The following ARID3A variants were observed in gnomAD, a reference collection of about 807,000 sequenced individuals.
ARID3A encodes AT-rich interactive domain-containing protein 3A.
A neutral mutation model predicts 52.7 loss-of-function variants in ARID3A; 11 were observed. That is an observed-to-expected ratio of 0.21 (90% CI 0.13 to 0.35). The LOEUF (loss-of-function observed/expected upper bound fraction) is 0.35, where lower values mean the gene tolerates loss of function less well. Ranked by LOEUF, ARID3A falls within the 10% of genes least tolerant of loss-of-function variation. The pLI is 1.00. For missense variants in ARID3A, 721 were observed against 838.5 expected (o/e 0.86, Z 1.73); for synonymous variants, 404 against 359.4 (o/e 1.12, Z -1.40).
intron 3 of ARID3A, among the ~76,000 whole-genome samples, chr19:948,438 C>T (rs1404159378): frequency 2.0e-5 from 3 of 152,150 alleles, no homozygotes; most frequent in Non-Finnish European, 4.4e-5. Context: ...GGCCGCGGTC[C>T]TGCGGGGCCA....
intron 3 of ARID3A, among the ~76,000 whole-genome samples, chr19:946,045 A>G (rs1284903004): frequency 2.0e-5 from 3 of 151,890 alleles, no homozygotes; most frequent in Non-Finnish European, 4.4e-5. Flanking sequence ...CTCAGCAGGG[A>G]AAAATGAGGC....
rs1400725425 is a variant in ARID3A at position 974,245 on chromosome 19, ACTTC to A, written c.*2185_*2188del. 4.4e-6 allele frequency: 1 copy of A among 226,400 alleles called. No homozygotes were observed. Among genetic ancestry groups the A allele is most frequent in the African/African-American group, 2.2e-5 (1 of 44,850 alleles). 14.0% of individuals were successfully genotyped at this position (226,400 alleles called of 1,614,324 possible). A position where few individuals can be genotyped will look rare whatever the true frequency, so the allele number is the denominator to read the frequency against. On this transcript the variant is annotated 3_prime_UTR_variant, in exon 9 of 9. Transcript: ENST00000263620. Reference sequence around the variant, plus strand: ...CTGTGTCTTTGGGGAGGGGACCCCCACTTCCTTCTCGGATCTCAGGGCCGTGGAC... The same window carrying A: ...CTGTGTCTTTGGGGAGGGGACCCCCACTTCTCGGATCTCAGGGCCGTGGAC...
At chr19:935,939 C>T (rs927669813) in intron 3 of ARID3A, among the ~76,000 whole-genome samples, 8 of 152,154 alleles carry the variant, frequency 5.3e-5, no homozygotes, top group African/African-American at 9.7e-5. Flanking sequence ...TACAGGCATC[C>T]GCCACCGCGC....
chr19:938,776 G>A lies in ARID3A; in HGVS notation c.693+6034G>A, dbSNP rs2037485957. Among the ~76,000 whole-genome samples the A allele has an allele frequency of 6.6e-6, 1 of 152,094 alleles. No homozygotes were observed. The highest frequency in any genetic ancestry group is 1.5e-5 in the Non-Finnish European group (1 of 68,022). The stretch of plus-strand genomic sequence containing the variant: ...CTGGGCCCAGCCCCAGAGACCGCTG[G>A]GTCCTCACCACGGTGCCTGCCAGGC... On this transcript the variant is annotated intron_variant, in intron 3 of 8. Coordinates refer to ENST00000263620, the MANE Select transcript of ARID3A (RefSeq NM_005224.3). The surrounding 1 kb of genome is among the most constrained non-coding windows in gnomAD (Gnocchi z 4.0).
At chr19:970,947 G>C (rs796178208) in intron 8 of ARID3A, among the ~76,000 whole-genome samples, 2 of 152,154 alleles carry the variant, frequency 1.3e-5, no homozygotes, top group African/African-American at 4.8e-5. Flanking sequence ...TGAGGGGTCC[G>C]TGCCCTCCGG....
In ARID3A at chr19:938,953, CGGA is replaced by C. The variant is rs2037490430; in HGVS notation, c.693+6213_693+6215del. ...CTCTTTTTTTTTTTTTTTTTTGAGACGGAGTCTTGTTTTGTCACCCAGGCTGCA... is the reference window on the plus strand; with the variant it reads ...CTCTTTTTTTTTTTTTTTTTTGAGACGTCTTGTTTTGTCACCCAGGCTGCA... On this transcript the variant is annotated intron_variant, in intron 3 of 8. Coordinates refer to ENST00000263620, the MANE Select transcript of ARID3A (RefSeq NM_005224.3). The surrounding 1 kb of genome is among the most constrained non-coding windows in gnomAD (Gnocchi z 4.0). Among the ~76,000 whole-genome samples the C allele has an allele frequency of 8.0e-6, 1 of 125,634 alleles. No individual in the cohort carries two copies. Among genetic ancestry groups the C allele is most frequent in the African/African-American group, 3.1e-5 (1 of 31,984 alleles). The allele number at this position is 125,634 out of a possible 152,430, so 82.4% of individuals were successfully genotyped here.
At position 949,716 on chromosome 19, in the gene ARID3A, G is replaced by A. The variant is rs1357117694; in HGVS notation, c.694-10376G>A. On this transcript the variant is annotated intron_variant, in intron 3 of 8. Coordinates refer to ENST00000263620, the MANE Select transcript of ARID3A (RefSeq NM_005224.3). ...TTTTGAGATGGAGTCTCGCTCTGTC[G>A]CCCAGGCTGGAGTGCAGTGGTGCGA... is the stretch of plus-strand genomic sequence containing the variant. Among the ~76,000 whole-genome samples the A allele has an allele frequency of 7.2e-5, 10 of 138,162 alleles. No individual in the cohort carries two copies. The East Asian group carries it at 1.9e-3, about 26-fold the overall frequency. 90.6% of individuals were successfully genotyped at this position (138,162 alleles called of 152,430 possible). A position where few individuals can be genotyped will look rare whatever the true frequency, so the allele number is the denominator to read the frequency against.
In ARID3A at chr19:932,642, CG is replaced by C; in HGVS notation, c.597del (p.Pro200LeufsTer12). 1 of 1,539,546 alleles carries C rather than the reference CG, an allele frequency of 6.5e-7. No homozygotes were observed. The part of the protein sequence containing the change: ...VPRVLGGQER[P>X]GPGPAHPGGA... Reference sequence around the variant, plus strand: ...AGGGTGCTGGGGGGCCAGGAGCGGCCGGGGCCTGGCCCTGCCCACCCCGGAG... The same window carrying C: ...AGGGTGCTGGGGGGCCAGGAGCGGCCGGGCCTGGCCCTGCCCACCCCGGAG... On this transcript the variant is annotated frameshift_variant, in exon 3 of 9. Transcript: ENST00000263620. LOFTEE classifies it high-confidence loss of function.
rs538442292 is a variant in ARID3A at position 972,153 on chromosome 19, G to C, written c.*88G>C. On this transcript the variant is annotated 3_prime_UTR_variant, in exon 9 of 9. Coordinates refer to ENST00000263620, the MANE Select transcript of ARID3A (RefSeq NM_005224.3). ...GGGCCACACAGGGGCCAGGATGGCG[G>C]AAGATACGGGTGGGGAGGGAAGATA... is the stretch of plus-strand genomic sequence containing the variant. 1.6e-3 allele frequency: 2,063 copies of C among 1,276,260 alleles called. 7 individuals are homozygous for C. The highest frequency in any genetic ancestry group is 2.0e-3 in the Non-Finnish European group (1,864 of 955,674). 79.1% of individuals were successfully genotyped at this position (1,276,260 alleles called of 1,614,324 possible).
intron 2 of ARID3A, among the ~76,000 whole-genome samples, chr19:930,868 C>T (rs1192175423): frequency 6.6e-6 from 1 of 152,032 alleles, no homozygotes; most frequent in Non-Finnish European, 1.5e-5. Flanking sequence ...ACAGCAGATT[C>T]AGCGGCAGGG....
At position 931,755 on chromosome 19, in the gene ARID3A, G is replaced by A. The variant is rs372355407; in HGVS notation, c.369-663G>A. The stretch of plus-strand genomic sequence containing the variant: ...ATGAACCCGGGAGGCGGAGCTTGCA[G>A]TGAGCCGAGATTGCGCCGTTGCACT... On this transcript the variant is annotated intron_variant, in intron 2 of 8. Coordinates refer to ENST00000263620, the MANE Select transcript of ARID3A (RefSeq NM_005224.3). Among the ~76,000 whole-genome samples, 9 of 151,724 alleles carry A rather than the reference G, an allele frequency of 5.9e-5. No homozygotes were observed. The East Asian group carries it at 1.6e-3, about 27-fold the overall frequency.
intron 3 of ARID3A, among the ~76,000 whole-genome samples, chr19:948,304 G>A (rs1190537323): frequency 3.3e-5 from 5 of 151,996 alleles, no homozygotes; most frequent in African/African-American, 7.2e-5. Flanking sequence ...TGGCAGAAAC[G>A]CTGTGGACTG....
At chr19:966,027 G>C (rs1012067568) in intron 6 of ARID3A, among the ~76,000 whole-genome samples, 24 of 151,744 alleles carry the variant, frequency 1.6e-4, no homozygotes, top group Non-Finnish European at 3.4e-4. Flanking sequence ...TTAGTGTGGT[G>C]GTGGGCGCCT....
Position 953,416 on chromosome 19 carries a change from A to G in ARID3A, c.694-6676A>G, listed in dbSNP as rs191070318. ...CTCTCTCCTCACAGGTGCCCCCTCCAGAGGGGCCCGGTCCTCATCAGGTGG... is the reference window on the plus strand; with the variant it reads ...CTCTCTCCTCACAGGTGCCCCCTCCGGAGGGGCCCGGTCCTCATCAGGTGG... On this transcript the variant is annotated intron_variant, in intron 3 of 8. Transcript: ENST00000263620. Among the ~76,000 whole-genome samples, 189 of 150,830 alleles carry G rather than the reference A, an allele frequency of 1.3e-3. 7 individuals carry two copies. In the East Asian group the frequency reaches 0.025, roughly 20 times the overall value.
intron 3 of ARID3A, among the ~76,000 whole-genome samples, chr19:933,845 G>T (rs922885559): frequency 7.3e-6 from 1 of 136,240 alleles, no homozygotes; most frequent in South Asian, 2.5e-4. Context: ...CGGGGACTCG[G>T]TGGGGGGGGG....
At position 938,283 on chromosome 19, in the gene ARID3A, C is replaced by G. The variant is rs573205739; in HGVS notation, c.693+5541C>G. ...TGCCCATGTAACTTGCAGATGAGCT[C>G]AGAGGTGTAGGAATGACGGCACTAG... On this transcript the variant is annotated intron_variant, in intron 3 of 8. Transcript: ENST00000263620. The surrounding 1 kb of genome is among the most constrained non-coding windows in gnomAD (Gnocchi z 4.0). Among the ~76,000 whole-genome samples the G allele has an allele frequency of 1.6e-4, 25 of 152,310 alleles. No homozygotes were observed. The highest frequency in any genetic ancestry group is 1.6e-3 in the Admixed American group (25 of 15,304).
At position 961,394 on chromosome 19, in the gene ARID3A, G is replaced by A. The variant is rs1261204346; in HGVS notation, c.766+1230G>A. Among the ~76,000 whole-genome samples, 4 of 152,192 alleles carry A rather than the reference G, an allele frequency of 2.6e-5. No homozygotes were observed. The South Asian group carries it at 6.2e-4, about 24-fold the overall frequency. ...TGCTGGGAACAGAGGATCCAGACCC[G>A]GGACCTGGGCGGGGGCCCCTCCTGT... is the stretch of plus-strand genomic sequence containing the variant. On this transcript the variant is annotated intron_variant, in intron 4 of 8. Coordinates refer to ENST00000263620, the MANE Select transcript of ARID3A (RefSeq NM_005224.3).
At chr19:952,648 G>A (rs1238307653) in intron 3 of ARID3A, among the ~76,000 whole-genome samples, 1 of 152,142 alleles carries the variant, frequency 6.6e-6, no homozygotes, top group Non-Finnish European at 1.5e-5. Flanking sequence ...CTGAAGGGCT[G>A]CAGCTGACCA....
Position 928,099 on chromosome 19 carries a change from TTGTCTGCCCAGGAGC to T in ARID3A, c.-267-1159_-267-1145del, listed in dbSNP as rs547528482. 9.1e-3 allele frequency among the ~76,000 whole-genome samples: 1,389 copies of T among 152,034 alleles called. 13 individuals carry two copies. The highest frequency in any genetic ancestry group is 0.029 in the South Asian group (141 of 4,808). ...CCCTGCCTCCTCGTCTCTCCAGGCC[TTGTCTGCCCAGGAGC>T]TGTGTATGAGTCTTGGGGGCTCCTT... On this transcript the variant is annotated intron_variant, in intron 1 of 8. Transcript: ENST00000263620.
Sources: gnomAD v4.1 joint callset for allele counts (sites outside exome capture counted in the v4.1 genomes callset) on GRCh38, gnomAD v4.1.1 for gene constraint, Gnocchi (gnomAD v3.1) non-coding constraint, MANE v1.5 for transcripts, NCBI Gene and HGNC (gene_info 2026-07-23, HGNC 2026-07-21) for gene names.